Variants in DAB1 observed in about 807,000 individuals in gnomAD.
DAB1 encodes disabled homolog 1.
A neutral mutation model predicts 64.6 loss-of-function variants in DAB1; 15 were observed. The ratio of observed to expected loss-of-function variants is 0.23; its 90% CI spans 0.16 to 0.36. The LOEUF is 0.36. Among genes scored for constraint, DAB1 ranks in the 10% least tolerant of loss-of-function variants. The pLI is 1.00. For missense variants in DAB1, 596 were observed against 706.7 expected, an observed-to-expected ratio of 0.84 and a Z score of 1.78; for synonymous variants, 235 against 251.9, an observed-to-expected ratio of 0.93 and a Z score of 0.64.
At chr1:57,136,127 C>A (rs1267235646) in intron 4 of DAB1, among the ~76,000 whole-genome samples, 1 of 152,128 alleles carries the variant, frequency 6.6e-6, no homozygotes, top group East Asian at 1.9e-4. Context: ...TTGATTACAG[C>A]AATTGCAAGG....
At chr1:57,613,131 C>A (rs17116118) in intron 7 of DAB1, among the ~76,000 whole-genome samples, 3,496 of 152,272 alleles carry the variant, frequency 0.023, 115 homozygotes, top group African/African-American at 0.072. Context: ...AGTATGTAGT[C>A]TTTTACAAGG....
intron 6 of DAB1, among the ~76,000 whole-genome samples, chr1:57,659,200 C>T (rs781513836): frequency 1.3e-5 from 2 of 152,160 alleles, no homozygotes; most frequent in African/African-American, 2.4e-5. Flanking sequence ...GATCTGCTGA[C>T]ACCACAGTTA....
chr1:57,170,519 C>G (rs562078194), intron 2 of DAB1, among the ~76,000 whole-genome samples: 2 of 152,250 alleles, frequency 1.3e-5, no homozygotes, highest in African/African-American at 4.8e-5. Flanking sequence ...ATCCTGGTAG[C>G]AGACCTGTCA....
intron 5 of DAB1, among the ~76,000 whole-genome samples, chr1:58,148,963 G>A (rs950674402): frequency 6.6e-6 from 1 of 152,132 alleles, no homozygotes; most frequent in African/African-American, 2.4e-5. Flanking sequence ...GCCTGGAATG[G>A]TCTTTACTCC....
chr1:58,422,350 G>A (rs116734468), intron 3 of DAB1, among the ~76,000 whole-genome samples: 1,853 of 151,642 alleles, frequency 0.012, 15 homozygotes, highest in Non-Finnish European at 0.022. Context: ...ATCCAGCTGC[G>A]GGCAAAATAT....
chr1:57,532,442 A>G (rs537610178), intron 7 of DAB1, among the ~76,000 whole-genome samples: 1 of 152,190 alleles, frequency 6.6e-6, no homozygotes, highest in East Asian at 1.9e-4. Context: ...TTTTCACACT[A>G]TACTCTAATT....
chr1:57,678,310 C>T (rs1282491199), intron 6 of DAB1, among the ~76,000 whole-genome samples: 7 of 152,180 alleles, frequency 4.6e-5, no homozygotes, highest in Admixed American at 4.6e-4. Flanking sequence ...AGAACTAAAA[C>T]AAACAACAGT....
chr1:57,900,383 C>T (rs1644456224), intron 5 of DAB1, among the ~76,000 whole-genome samples: 1 of 152,112 alleles, frequency 6.6e-6, no homozygotes, highest in South Asian at 2.1e-4. Flanking sequence ...GCAGGAATTG[C>T]CTGACCACTT....
chr1:58,102,500 C>G (rs1651382010), intron 5 of DAB1, among the ~76,000 whole-genome samples: 1 of 152,090 alleles, frequency 6.6e-6, no homozygotes, highest in Non-Finnish European at 1.5e-5. Context: ...CTCCTGAATC[C>G]ATATTTTCTA....
At chr1:57,832,699 G>A (rs1368170050) in intron 1 of DAB1, among the ~76,000 whole-genome samples, 1 of 152,188 alleles carries the variant, frequency 6.6e-6, no homozygotes, top group African/African-American at 2.4e-5. Flanking sequence ...TCAATTTCTG[G>A]GGGGGCAAAG....
chr1:57,603,158 G>A (rs1166358653), intron 7 of DAB1, among the ~76,000 whole-genome samples: 1 of 152,122 alleles, frequency 6.6e-6, no homozygotes, highest in Non-Finnish European at 1.5e-5. Flanking sequence ...TTTTAGTAGA[G>A]AGGGGGGTTT....
chr1:57,738,189 A>G (rs1406617860), intron 6 of DAB1, among the ~76,000 whole-genome samples: 1 of 152,228 alleles, frequency 6.6e-6, no homozygotes, highest in East Asian at 1.9e-4. Context: ...TCTTAACTGT[A>G]GGTTTCTTAG....
intron 3 of DAB1, among the ~76,000 whole-genome samples, chr1:58,450,808 G>A (rs1187025287): frequency 6.6e-6 from 1 of 152,208 alleles, no homozygotes; most frequent in Non-Finnish European, 1.5e-5. Flanking sequence ...AAATGTGGCA[G>A]ACAAGTCTGT....
intron 3 of DAB1, chr1:58,462,753 C>A (rs1645256382): frequency 6.6e-6 from 1 of 152,112 alleles, no homozygotes; most frequent in South Asian, 2.1e-4. Context: ...AGCAGGTAAC[C>A]TCAGGCTGTT....
At chr1:58,186,658 C>G (rs192308446) in intron 4 of DAB1, among the ~76,000 whole-genome samples, 43 of 152,216 alleles carry the variant, frequency 2.8e-4, no homozygotes, top group African/African-American at 1.0e-3. Context: ...AACAAACAAC[C>G]CTAAAACTCA....
At chr1:58,406,711 C>T (rs901527703) in intron 3 of DAB1, among the ~76,000 whole-genome samples, 3 of 75,248 alleles carry the variant, frequency 4.0e-5, no homozygotes, top group Admixed American at 1.0e-4. Flanking sequence ...TAATATCATC[C>T]CCCCCCCCCA....
At chr1:57,038,133 C>G (rs949185448) in intron 9 of DAB1, among the ~76,000 whole-genome samples, 2 of 152,174 alleles carry the variant, frequency 1.3e-5, no homozygotes, top group Non-Finnish European at 2.9e-5. Flanking sequence ...TTCCTAAATA[C>G]TAGACATAGT....
chr1:58,018,800 A>T (rs1038452548), intron 5 of DAB1, among the ~76,000 whole-genome samples: 2 of 152,312 alleles, frequency 1.3e-5, no homozygotes, highest in East Asian at 3.9e-4. Flanking sequence ...AAACTCAAAG[A>T]AGTACATTGT....
chr1:58,119,702 C>T lies in DAB1; in HGVS notation n.387+30809G>A, dbSNP rs555422618. Reference sequence around the variant, plus strand: ...AGAAATAGCCAGAGCTGCCCCAGGTCGGGAGCAGAGAGGCCTGAAAATAGG... The same window carrying T: ...AGAAATAGCCAGAGCTGCCCCAGGTTGGGAGCAGAGAGGCCTGAAAATAGG... On this transcript the variant is annotated intron_variant and non_coding_transcript_variant, in intron 5 of 20. Coordinates refer to the DAB1 transcript ENST00000485760. Among the ~76,000 whole-genome samples the T allele has an allele frequency of 1.3e-3, 196 of 152,246 alleles. 1 individual carries two copies. The highest frequency in any genetic ancestry group is 3.4e-3 in the Middle Eastern group (1 of 294).
Sources: allele counts gnomAD v4.1 joint callset (sites outside exome capture counted in the v4.1 genomes callset), GRCh38; gene constraint gnomAD v4.1.1; transcripts MANE v1.5; gene names NCBI Gene and HGNC (gene_info 2026-07-23, HGNC 2026-07-21).